CD99: variants seen among roughly 807,000 people sequenced by gnomAD.
CD99 encodes CD99 molecule (Xg blood group).
CD99 carries 19 observed loss-of-function variants against 28.4 expected under a neutral mutation model. The observed-to-expected ratio is 0.67, with a 90% confidence interval of 0.47 to 0.98. The LOEUF (loss-of-function observed/expected upper bound fraction) is 0.98, where lower values mean the gene tolerates loss of function less well. Among genes scored for constraint, CD99 ranks in the 50% least tolerant of loss-of-function variants. The pLI is 0.00. For missense variants in CD99, 283 were observed against 248.8 expected, an observed-to-expected ratio of 1.14 and a Z score of -0.92; for synonymous variants, 103 against 92.1, an observed-to-expected ratio of 1.12 and a Z score of -0.67.
Position 2,720,346 on chromosome X carries a change from T to C in CD99, c.194-10T>C, listed in dbSNP as rs895608951. ...CACTTAAAATTGCAACTCTCATCTT[T>C]CACAAACAGACGACCCACGACCACC... is the stretch of plus-strand genomic sequence containing the variant. On this transcript the variant is annotated splice_polypyrimidine_tract_variant and intron_variant, in intron 4 of 9. Coordinates refer to ENST00000381192, the MANE Select transcript of CD99 (RefSeq NM_002414.5). 2.5e-6 allele frequency: 4 copies of C among 1,613,648 alleles called. No homozygotes were observed. Among genetic ancestry groups the C allele is most frequent in the Non-Finnish European group, 3.4e-6 (4 of 1,179,778 alleles).
At chrX:2,711,235 A>T (rs1204368807) in intron 1 of CD99, among the ~76,000 whole-genome samples, 3 of 147,460 alleles carry the variant, frequency 2.0e-5, no homozygotes, top group Non-Finnish European at 3.0e-5. Flanking sequence ...TATATATATA[A>T]TATATATATG....
chrX:2,717,461 C>G lies in CD99; in HGVS notation c.101-144C>G, dbSNP rs1350925019. On this transcript the variant is annotated intron_variant, in intron 2 of 9. Coordinates refer to ENST00000381192, the MANE Select transcript of CD99 (RefSeq NM_002414.5). ...TCAAGAGTCGTTGTATAAACCTCAG[C>G]TCGGTGTGGGCAGGTGAGAAAAAAC... 3 of 679,004 alleles carry G rather than the reference C, an allele frequency of 4.4e-6. No individual in the cohort carries two copies. The East Asian group carries it at 8.1e-5, about 18-fold the overall frequency. The allele number at this position is 679,004 out of a possible 1,614,324, so 42.1% of individuals were successfully genotyped here. A position where few individuals can be genotyped will look rare whatever the true frequency, so the allele number is the denominator to read the frequency against.
intron 1 of CD99, 66 bp from the exon 2 acceptor site, chrX:2,714,356 C>G (rs1248451531): frequency 1.6e-6 from 2 of 1,262,822 alleles, no homozygotes; most frequent in African/African-American, 3.0e-5. Flanking sequence ...TCTTTTTTAT[C>G]TCTATAATAT....
chrX:2,738,207 A>G lies in CD99; in HGVS notation c.483A>G (p.Gln161=). 1 of 1,613,826 alleles carries G rather than the reference A, an allele frequency of 6.2e-7. No homozygotes were observed. Among genetic ancestry groups the G allele is most frequent in the Middle Eastern group, 1.7e-4 (1 of 6,054 alleles). ...KKLCFKENAE[Q]GEVDMESHRN... ...TTTTCTTCTTCTTTTCAGCAGAACAAGGGGAGGTGGACATGGAGAGCCACC... is the reference window on the plus strand; with the variant it reads ...TTTTCTTCTTCTTTTCAGCAGAACAGGGGGAGGTGGACATGGAGAGCCACC... Residue 161 remains glutamine (Q), a synonymous_variant, in exon 9 of 10, where the codon CAA becomes CAG. Coordinates refer to ENST00000381192, the MANE Select transcript of CD99 (RefSeq NM_002414.5).
chrX:2,733,339 T>C, intron 8 of CD99: 1 of 1,575,702 alleles, frequency 6.3e-7, no homozygotes, highest in African/African-American at 1.4e-5. Context: ...TTTTATCGTT[T>C]TCAACCTTCC....
intron 3 of CD99, among the ~76,000 whole-genome samples, chrX:2,718,596 C>G (rs1456156341): frequency 6.6e-6 from 1 of 152,034 alleles, no homozygotes; most frequent in Non-Finnish European, 1.5e-5. Flanking sequence ...GTCTCGATCT[C>G]CTGACCTTGT....
At chrX:2,706,707 G>C (rs896019454) in intron 1 of CD99, among the ~76,000 whole-genome samples, 12 of 152,114 alleles carry the variant, frequency 7.9e-5, no homozygotes, top group Admixed American at 3.3e-4. Context: ...GGCACACACA[G>C]AGCACTGCTT....
chrX:2,691,852 C>T, intron 1 of CD99: 1 of 778,464 alleles, frequency 1.3e-6, no homozygotes, highest in Non-Finnish European at 2.4e-6. Flanking sequence ...GTCACAGCCA[C>T]GCCCTGCGTC....
intron 1 of CD99, among the ~76,000 whole-genome samples, chrX:2,692,758 C>T (rs1351953457): frequency 6.6e-6 from 1 of 152,192 alleles, no homozygotes; most frequent in African/African-American, 2.4e-5. Flanking sequence ...TGCAGATGAA[C>T]GGGTTTTTCA....
At chrX:2,714,691 T>TA (rs1057014469) in intron 2 of CD99, 52 of 398,024 alleles carry the variant, frequency 1.3e-4, no homozygotes, top group African/African-American at 1.0e-3. Flanking sequence ...ACCTTATTGC[T>TA]AAAAAATGCA....
chrX:2,695,457 A>C (rs919491005), intron 1 of CD99, among the ~76,000 whole-genome samples: 11 of 151,780 alleles, frequency 7.2e-5, no homozygotes, highest in Non-Finnish European at 1.5e-4. Flanking sequence ...TGTTGCCCAG[A>C]CTGGAGTGCA....
chrX:2,691,920 A>C (rs2047323265), intron 1 of CD99: 1 of 779,112 alleles, frequency 1.3e-6, no homozygotes, highest in Admixed American at 1.7e-5. Flanking sequence ...GGGGAAGGGA[A>C]GGAAAAGTTA....
At position 2,719,613 on chromosome X, in the gene CD99, T is replaced by C. The variant is rs1349790605; in HGVS notation, c.149-48T>C. 4.6e-6 allele frequency: 7 copies of C among 1,537,192 alleles called. No individual in the cohort carries two copies. The South Asian group carries it at 7.8e-5, about 17-fold the overall frequency. On this transcript the variant is annotated intron_variant, in intron 3 of 9. Coordinates refer to ENST00000381192, the MANE Select transcript of CD99 (RefSeq NM_002414.5). ...ATCTGTTCACGAGGTCATTCCTTCC[T>C]CGTTTCTCTCTGGAATTTGGTATTA...
chrX:2,691,901 G>A (rs768967115), intron 1 of CD99: 128 of 779,322 alleles, frequency 1.6e-4, no homozygotes, highest in Non-Finnish European at 6.2e-5. Context: ...CCTGAGACCC[G>A]GGTGGTGGGG....
chrX:2,731,327 C>T (rs1684023), intron 8 of CD99, among the ~76,000 whole-genome samples: 11,014 of 152,176 alleles, frequency 0.072, 1,307 homozygotes, highest in African/African-American at 0.25. Flanking sequence ...CGGTGGCTTA[C>T]GCCTGTAATC....
At chrX:2,722,575 G>A in intron 5 of CD99, 52 bp from the exon 6 acceptor site, 1 of 1,523,644 alleles carries the variant, frequency 6.6e-7, no homozygotes, top group Non-Finnish European at 9.1e-7. Context: ...AAGACATGAA[G>A]ACCCTTGGAG....
intron 8 of CD99, among the ~76,000 whole-genome samples, chrX:2,728,299 G>A (rs1220857925): frequency 1.3e-5 from 2 of 150,424 alleles, no homozygotes; most frequent in African/African-American, 4.9e-5. Flanking sequence ...CCACCTCCCG[G>A]GTTCTCCTGC....
chrX:2,695,038 C>G (rs899742109), intron 1 of CD99, among the ~76,000 whole-genome samples: 2 of 152,102 alleles, frequency 1.3e-5, no homozygotes, highest in East Asian at 3.8e-4. Flanking sequence ...TATCTTCCCC[C>G]GGGGAAATAG....
intron 7 of CD99, among the ~76,000 whole-genome samples, chrX:2,724,447 A>G (rs750721429): frequency 6.6e-6 from 1 of 151,272 alleles, no homozygotes; most frequent in South Asian, 2.1e-4. Flanking sequence ...GGGTCCTCTG[A>G]AGCTCACATC....
Sources: allele counts gnomAD v4.1 joint callset (sites outside exome capture counted in the v4.1 genomes callset), GRCh38; gene constraint gnomAD v4.1.1; transcripts MANE v1.5; gene names NCBI Gene and HGNC (gene_info 2026-07-23, HGNC 2026-07-21).